Variants in KRT2 observed in about 807,000 individuals in gnomAD.
KRT2 encodes keratin 2, also known as keratin, type II cytoskeletal 2 epidermal.
Under a neutral mutation model 48.5 loss-of-function variants are expected in KRT2, and 37 were observed. That is an observed-to-expected ratio of 0.76 (90% CI 0.59 to 1.00). The LOEUF is 1.00. Among genes scored for constraint, KRT2 ranks in the 50% least tolerant of loss-of-function variants. The pLI, the probability that KRT2 is intolerant of heterozygous loss-of-function variation, is 0.00. For missense variants in KRT2, 880 were observed against 815.2 expected (o/e 1.08, Z -0.97); for synonymous variants, 324 against 312.2 (o/e 1.04, Z -0.40).
chr12:52,646,972 G>A lies in KRT2; in HGVS notation c.1249-12C>T. Reference sequence around the variant, plus strand: ...TGCACATTCTTACACTATGACAGAAGGACAGAGAATGGATTCTGCCTGACG... The same window carrying A: ...TGCACATTCTTACACTATGACAGAAAGACAGAGAATGGATTCTGCCTGACG... On this transcript the variant is annotated splice_polypyrimidine_tract_variant and intron_variant, in intron 6 of 8. Transcript: ENST00000309680. 1.2e-6 allele frequency: 2 copies of A among 1,611,672 alleles called. No individual in the cohort carries two copies. Among genetic ancestry groups the A allele is most frequent in the South Asian group, 1.1e-5 (1 of 91,056 alleles).
chr12:52,649,926 C>G lies in KRT2; in HGVS notation c.849G>C (p.Val283=), dbSNP rs1941223339. 1 of 1,613,696 alleles carries G rather than the reference C, an allele frequency of 6.2e-7. No individual in the cohort carries two copies. The highest frequency in any genetic ancestry group is 8.5e-7 in the Non-Finnish European group (1 of 1,179,574). Residue 283 remains valine (V), a synonymous_variant, in exon 3 of 9, where the codon GTG becomes GTC. Transcript: ENST00000309680. The part of the protein sequence containing the change: ...NKRTAAENDF[V]TLKKDVDNAY... The stretch of plus-strand genomic sequence containing the variant: ...TTCTCTCGCTCACCTTTTTAAGCGT[C>G]ACAAAATCATTCTCAGCAGCTGTGC...
Position 52,647,813 on chromosome 12 carries a change from G to T in KRT2, c.1165C>A (p.Leu389Met). Reference protein sequence around the residue: ...QVTVGRHGDSLKEIKIEISEL... With the variant: ...QVTVGRHGDSMKEIKIEISEL... Reference sequence around the variant, plus strand: ...CTGATCTCTATCTTGATCTCTTTCAGGCTGTCTCCATGTCTCCCGACAGTC... The same window carrying T: ...CTGATCTCTATCTTGATCTCTTTCATGCTGTCTCCATGTCTCCCGACAGTC... Residue 389 changes from leucine (L) to methionine (M), a missense_variant, in exon 6 of 9, where the codon CTG (leucine) becomes ATG (methionine). Coordinates refer to ENST00000309680, the MANE Select transcript of KRT2 (RefSeq NM_000423.3). The T allele has an allele frequency of 1.2e-6, 2 of 1,614,066 alleles. No individual in the cohort carries two copies. The highest frequency in any genetic ancestry group is 8.5e-7 in the Non-Finnish European group (1 of 1,179,998).
chr12:52,651,988 C>T lies in KRT2; in HGVS notation c.155G>A (p.Gly52Asp), dbSNP rs767158226. 2.5e-6 allele frequency: 4 copies of T among 1,612,820 alleles called. No individual in the cohort carries two copies. Among genetic ancestry groups the T allele is most frequent in the East Asian group, 2.2e-5 (1 of 44,878 alleles). ...CLSRHGGGGG[G>D]FGGGGFGSRS... The stretch of plus-strand genomic sequence containing the variant: ...ACTGCCAAAGCCGCCTCCACCGAAG[C>T]CCCCGCCACCACCACCATGGCGGCT... The change falls in exon 1 of 9, where the codon GGC (glycine) becomes GAC (aspartate). Residue 52 changes from glycine (G) to aspartate (D), a missense_variant. By Grantham distance (94) the Gly-to-Asp change is moderately conservative (BLOSUM62 -1). Transcript: ENST00000309680.
At position 52,649,011 on chromosome 12, in the gene KRT2, T is replaced by C; in HGVS notation, c.953A>G (p.Asp318Gly). Residue 318 changes from aspartate to glycine, a missense_variant, in exon 4 of 9, where the codon GAT becomes GGT. Transcript: ENST00000309680. ...GTCCCGGAGCAGCCTCCTTACCGCA[T>C]CATAGAGAACTTTCAGAAACTCAAT... is the stretch of plus-strand genomic sequence containing the variant. ...QEIEFLKVLY[D>G]AEISQIHQSV... is the part of the protein sequence containing the mutation. 1 of 1,597,124 alleles carries C rather than the reference T, an allele frequency of 6.3e-7. No individual in the cohort carries two copies. The highest frequency in any genetic ancestry group is 8.6e-7 in the Non-Finnish European group (1 of 1,164,532).
chr12:52,647,610 A>G, intron 6 of KRT2, 120 bp downstream of exon 6: 1 of 1,202,456 alleles, frequency 8.3e-7, no homozygotes, highest in South Asian at 1.3e-5. Flanking sequence ...GGATCGATAC[A>G]TGCTAGAGTG....
In KRT2 at chr12:52,651,698, C is replaced by T. The variant is rs1941250145; in HGVS notation, c.445G>A (p.Gly149Ser). 3 of 1,613,962 alleles carry T rather than the reference C, an allele frequency of 1.9e-6. No homozygotes were observed. The highest frequency in any genetic ancestry group is 2.2e-5 in the South Asian group (2 of 91,070). ...TGGTTGACAGAGACTTCGTGGATGC[C>T]ACCAGGGTATCCTCCAGGCCCAAAG... ...GGFGPGGYPG[G>S]IHEVSVNQSL... Residue 149 changes from glycine to serine, a missense_variant, in exon 1 of 9, where the codon GGC becomes AGC. Gly to Ser is a moderately conservative substitution (Grantham distance 56). Coordinates refer to ENST00000309680, the MANE Select transcript of KRT2 (RefSeq NM_000423.3).
Position 52,652,173 on chromosome 12 carries a change from G to T in KRT2, c.-31C>A, listed in dbSNP as rs182091296. The stretch of plus-strand genomic sequence containing the variant: ...CTTTGTCCAGGGAGGAAAGTCACAG[G>T]CTCTTGAGAAGAGTCAAGGCTGGAG... On this transcript the variant is annotated 5_prime_UTR_variant, in exon 1 of 9. Coordinates refer to ENST00000309680, the MANE Select transcript of KRT2 (RefSeq NM_000423.3). 1.3e-6 allele frequency: 2 copies of T among 1,486,840 alleles called. No individual in the cohort carries two copies. Among genetic ancestry groups the T allele is most frequent in the South Asian group, 1.2e-5 (1 of 83,138 alleles). 92.1% of individuals were successfully genotyped at this position (1,486,840 alleles called of 1,614,324 possible).
At chr12:52,649,340 C>T (rs1387107609) in intron 3 of KRT2, among the ~76,000 whole-genome samples, 1 of 152,196 alleles carries the variant, frequency 6.6e-6, no homozygotes, top group African/African-American at 2.4e-5. Flanking sequence ...TCGAGATGAC[C>T]AAGCTTTGCC....
intron 1 of KRT2, 57 bp downstream of exon 1, chr12:52,651,501 T>A (rs1941246500): frequency 7.8e-7 from 1 of 1,289,702 alleles, no homozygotes; most frequent in Non-Finnish European, 1.1e-6. Context: ...TCTTTTTGGT[T>A]GGCTCTGGAA....
rs1364295320 is a variant in KRT2 at position 52,649,102 on chromosome 12, C to G, written c.862G>C (p.Asp288His). ...AENDFVTLKK[D>H]VDNAYMIKVE... ...TTTATCATGTAGGCATTGTCCACGT[C>G]CTGCAAGAAAGGTTGAGGCCTCTGG... Residue 288 changes from aspartate (D) to histidine (H), a missense_variant and splice_region_variant, in exon 4 of 9, where the codon GAC becomes CAC. By Grantham distance (81) the Asp-to-His change is moderately conservative. Transcript: ENST00000309680. 4 of 1,606,128 alleles carry G rather than the reference C, an allele frequency of 2.5e-6. No homozygotes were observed. The African/African-American group carries it at 5.4e-5, about 21-fold the overall frequency.
chr12:52,651,843 G>GCCGCCTCCAAAGCCA lies in KRT2; in HGVS notation c.299_300insTGGCTTTGGAGGCGG (p.Ser100_Ser101insGlyPheGlyGlyGly), dbSNP rs1555169884. 7 of 1,602,318 alleles carry GCCGCCTCCAAAGCCA rather than the reference G, an allele frequency of 4.4e-6. No homozygotes were observed. The South Asian group carries it at 4.4e-5, about 10-fold the overall frequency. ...TGAAGCCGCTGCCACCTCCAAAGCT[G>GCCGCCTCCAAAGCCA]CTGCCGCCTCCAAAACCACCTCCTC... is the stretch of plus-strand genomic sequence containing the variant. On this transcript the variant is annotated inframe_insertion, in exon 1 of 9. Transcript: ENST00000309680.
Position 52,648,214 on chromosome 12 carries a change from G to C in KRT2, c.1081C>G (p.Gln361Glu). The change falls in exon 5 of 9, where the codon CAG becomes GAG. Residue 361 changes from glutamine to glutamate, a missense_variant. By Grantham distance (29) the Gln-to-Glu change is conservative (BLOSUM62 2). Transcript: ENST00000309680. ...GCCTCCGCTTCTTCCTTGCTCCTCT[G>C]GGCGATCTCCTCATACTGGGCCTTG... ...EVKAQYEEIAQRSKEEAEALY... is the reference protein window; with the variant it reads ...EVKAQYEEIAERSKEEAEALY... 1 of 1,614,106 alleles carries C rather than the reference G, an allele frequency of 6.2e-7. No homozygotes were observed.
chr12:52,650,592 A>C, intron 1 of KRT2, 39 bp from the exon 2 acceptor site: 8 of 1,558,604 alleles, frequency 5.1e-6, no homozygotes, highest in East Asian at 2.2e-5. Context: ...GTTCTAGATC[A>C]TCCTTCACAC....
intron 1 of KRT2, 191 bp from the exon 2 acceptor site, chr12:52,650,744 G>T: frequency 3.1e-6 from 2 of 649,078 alleles, no homozygotes; most frequent in Admixed American, 2.2e-5. Context: ...GACTCCTAAT[G>T]CTACATCCGG....
In KRT2 at chr12:52,647,956, G is replaced by A. The variant is rs1941193501; in HGVS notation, c.1123-101C>T. On this transcript the variant is annotated intron_variant, in intron 5 of 8. Coordinates refer to ENST00000309680, the MANE Select transcript of KRT2 (RefSeq NM_000423.3). Reference sequence around the variant, plus strand: ...AGAGCTGGTTACTGGTCCAGGGAGGGTCAACCCAGCTAAATGTCATGGCTG... The same window carrying A: ...AGAGCTGGTTACTGGTCCAGGGAGGATCAACCCAGCTAAATGTCATGGCTG... 26 of 1,487,174 alleles carry A rather than the reference G, an allele frequency of 1.7e-5. 1 individual carries two copies. The South Asian group carries it at 2.9e-4, about 17-fold the overall frequency. The allele number at this position is 1,487,174 out of a possible 1,614,324, so 92.1% of individuals were successfully genotyped here.
At chr12:52,651,305 A>C (rs1238847650) in intron 1 of KRT2, among the ~76,000 whole-genome samples, 1 of 152,208 alleles carries the variant, frequency 6.6e-6, no homozygotes, top group Non-Finnish European at 1.5e-5. Context: ...GGTTTTCAGA[A>C]TTTTCCATAA....
intron 7 of KRT2, among the ~76,000 whole-genome samples, chr12:52,646,163 C>G (rs901063469): frequency 6.6e-6 from 1 of 152,210 alleles, no homozygotes; most frequent in Non-Finnish European, 1.5e-5. Flanking sequence ...TTTCCCCTTC[C>G]AATTGCTTCA....
chr12:52,647,137 G>C (rs1941179641), intron 6 of KRT2, among the ~76,000 whole-genome samples, 177 bp from the exon 7 acceptor site: 1 of 152,158 alleles, frequency 6.6e-6, no homozygotes, highest in Non-Finnish European at 1.5e-5. Flanking sequence ...TTCTTCCCAT[G>C]TCACCGTTGA....
rs778700759 is a variant in KRT2, at chr12:52,651,957, A to G, written c.186T>C (p.Ser62=). 6.2e-7 allele frequency: 1 copy of G among 1,612,296 alleles called. No homozygotes were observed. Among genetic ancestry groups the G allele is most frequent in the Non-Finnish European group, 8.5e-7 (1 of 1,179,394 alleles). ...GFGGGGFGSR[S]LVGLGGTKSI... ...TCTTGGTCCCTCCAAGGCCAACAAG[A>G]CTCCGACTGCCAAAGCCGCCTCCAC... Residue 62 remains serine, a synonymous_variant, in exon 1 of 9, where the codon AGT becomes AGC. Coordinates refer to ENST00000309680, the MANE Select transcript of KRT2 (RefSeq NM_000423.3).
Sources: gnomAD v4.1 joint callset for allele counts (sites outside exome capture counted in the v4.1 genomes callset) on GRCh38, gnomAD v4.1.1 for gene constraint, MANE v1.5 for transcripts, NCBI Gene and HGNC (gene_info 2026-07-23, HGNC 2026-07-21) for gene names.